Variants in SINHCAF observed in about 807,000 individuals in gnomAD.
SINHCAF encodes SIN3-HDAC complex associated factor.
A neutral mutation model predicts 25.8 loss-of-function variants in SINHCAF; 3 were observed. The ratio of observed to expected loss-of-function variants is 0.12; its 90% confidence interval spans 0.05 to 0.30. The LOEUF (loss-of-function observed/expected upper bound fraction) is 0.30. Ranked by LOEUF, SINHCAF falls within the 10% of genes least tolerant of loss-of-function variation. The probability of loss-of-function intolerance (pLI) is 1.00; values close to 1 mark genes in which losing one functional copy is unlikely to be tolerated. For missense variants in SINHCAF, 121 were observed against 262.3 expected, an observed-to-expected ratio of 0.46 and a Z score of 3.72; for synonymous variants, 70 against 85.5, an observed-to-expected ratio of 0.82 and a Z score of 1.00.
At chr12:31,303,252 A>C in intron 1 of SINHCAF, 1 of 983,090 alleles carries the variant, frequency 1.0e-6, no homozygotes, top group South Asian at 4.7e-5. Flanking sequence ...CCTTTTGATC[A>C]AAATTTCTCT....
chr12:31,322,722 G>T (rs1459569710), intron 1 of SINHCAF, among the ~76,000 whole-genome samples: 2 of 152,192 alleles, frequency 1.3e-5, no homozygotes, highest in African/African-American at 4.8e-5. Context: ...TTTTAGGTGT[G>T]TGGGGGCAGG....
chr12:31,316,692 GATAA>G (rs1187925548), intron 1 of SINHCAF, among the ~76,000 whole-genome samples: 1 of 152,146 alleles, frequency 6.6e-6, no homozygotes, highest in Non-Finnish European at 1.5e-5. Flanking sequence ...AAAGTTTTCT[GATAA>G]ATAAGATTAA....
At chr12:31,299,194 G>C (rs1288929719) in intron 1 of SINHCAF, among the ~76,000 whole-genome samples, 1 of 152,174 alleles carries the variant, frequency 6.6e-6, no homozygotes, top group East Asian at 1.9e-4. Flanking sequence ...ACTAAGAGAG[G>C]TGATGAAAAG....
intron 5 of SINHCAF, among the ~76,000 whole-genome samples, chr12:31,286,606 T>G (rs1018599834): frequency 3.5e-4 from 51 of 146,222 alleles, no homozygotes; most frequent in African/African-American, 1.3e-3. Flanking sequence ...GAGGCTGCAG[T>G]GAGCAGAGAT....
chr12:31,311,523 C>T (rs372122935), intron 1 of SINHCAF: 55 of 222,546 alleles, frequency 2.5e-4, no homozygotes, highest in African/African-American at 1.2e-3. Context: ...GCAGGCCGGG[C>T]ACACACGCTG....
chr12:31,291,886 T>C (rs1938345225), intron 4 of SINHCAF, among the ~76,000 whole-genome samples: 1 of 152,094 alleles, frequency 6.6e-6, no homozygotes, highest in South Asian at 2.1e-4. Flanking sequence ...TATATAAAAA[T>C]TCACATGTTT....
rs1421648891 is a variant in SINHCAF at position 31,298,265 on chromosome 12, G to T, written c.-20-41C>A. On this transcript the variant is annotated intron_variant, in intron 1 of 5. Coordinates refer to ENST00000337682, the MANE Select transcript of SINHCAF (RefSeq NM_001135812.2). ...AATTGACATATCTTTGTTGAGGGCT[G>T]TAACAAGGAACCATTAAAGAGTTCT... is the stretch of plus-strand genomic sequence containing the variant. 13 of 1,606,948 alleles carry T rather than the reference G, an allele frequency of 8.1e-6. No homozygotes were observed. The East Asian group carries it at 2.7e-4, about 33-fold the overall frequency.
intron 4 of SINHCAF, among the ~76,000 whole-genome samples, chr12:31,292,953 A>C (rs1380339706): frequency 2.6e-5 from 4 of 152,170 alleles, no homozygotes. Flanking sequence ...CCCTAGCCGC[A>C]ATTCTGAGAA....
chr12:31,308,629 A>G (rs1939131831), intron 1 of SINHCAF, among the ~76,000 whole-genome samples: 1 of 152,188 alleles, frequency 6.6e-6, no homozygotes, highest in Non-Finnish European at 1.5e-5. Flanking sequence ...CATACACTGG[A>G]TGAGGGATGA....
chr12:31,324,987 C>T lies in SINHCAF; in HGVS notation c.-21+1037G>A, dbSNP rs1228985591. ...GCCCGACGGCGGCCGCATCCCACGG[C>T]TCACGCGGGGCTGGACATTCGGACA... On this transcript the variant is annotated intron_variant, in intron 1 of 5. Coordinates refer to ENST00000337682, the MANE Select transcript of SINHCAF (RefSeq NM_001135812.2). The surrounding 1 kb of genome is among the most constrained non-coding windows in gnomAD (Gnocchi z 5.5). The T allele has an allele frequency of 2.2e-6, 1 of 456,780 alleles. No homozygotes were observed. Among genetic ancestry groups the T allele is most frequent in the Non-Finnish European group, 4.4e-6 (1 of 226,978 alleles). 28.3% of individuals were successfully genotyped at this position (456,780 alleles called of 1,614,324 possible). A position where few individuals can be genotyped will look rare whatever the true frequency, so the allele number is the denominator to read the frequency against.
At chr12:31,309,059 T>C (rs1004954234) in intron 1 of SINHCAF, among the ~76,000 whole-genome samples, 2 of 132,588 alleles carry the variant, frequency 1.5e-5, no homozygotes, top group African/African-American at 5.8e-5. Flanking sequence ...TCCCAGGAGG[T>C]GGAGGCTGCA....
rs35128222 is a variant in SINHCAF at position 31,282,203 on chromosome 12, T to TA, written c.*508dup. 733 of 144,452 alleles carry TA rather than the reference T, an allele frequency of 5.1e-3. 5 individuals carry two copies. Among genetic ancestry groups the TA allele is most frequent in the African/African-American group, 0.016 (642 of 39,266 alleles). The allele number at this position is 144,452 out of a possible 1,614,324, so 8.9% of individuals were successfully genotyped here. ...CTAGTTTCATTCATTAGAAGGGGATTAAAAAAAAAAAAGACTTAAAGAGCA... is the reference window on the plus strand; with the variant it reads ...CTAGTTTCATTCATTAGAAGGGGATTAAAAAAAAAAAAAGACTTAAAGAGCA... On this transcript the variant is annotated 3_prime_UTR_variant, in exon 6 of 6. Coordinates refer to ENST00000337682, the MANE Select transcript of SINHCAF (RefSeq NM_001135812.2).
rs755448554 is a variant in SINHCAF, at chr12:31,293,746, C to A, written c.355+59G>T. On this transcript the variant is annotated intron_variant, in intron 4 of 5. Coordinates refer to ENST00000337682, the MANE Select transcript of SINHCAF (RefSeq NM_001135812.2). ...AATGATCCACACATGCCATACACCACCCCCAGCCAAAAATAACAAAACAAT... is the reference window on the plus strand; with the variant it reads ...AATGATCCACACATGCCATACACCAACCCCAGCCAAAAATAACAAAACAAT... 15 of 1,459,442 alleles carry A rather than the reference C, an allele frequency of 1.0e-5. No individual in the cohort carries two copies. In the African/African-American group the frequency reaches 1.9e-4, roughly 18 times the overall value. The allele number at this position is 1,459,442 out of a possible 1,614,324, so 90.4% of individuals were successfully genotyped here.
At position 31,324,912 on chromosome 12, in the gene SINHCAF, C is replaced by CTGGCA. The variant is rs1199519854; in HGVS notation, c.-21+1107_-21+1111dup. ...GGCGACTTTCACTCTGCTTTTTAAA[C>CTGGCA]TGGCAAGACGCCATCATCAGCAAAC... On this transcript the variant is annotated intron_variant, in intron 1 of 5. Coordinates refer to ENST00000337682, the MANE Select transcript of SINHCAF (RefSeq NM_001135812.2). The surrounding 1 kb of genome is among the most constrained non-coding windows in gnomAD (Gnocchi z 5.5). 1 of 451,998 alleles carries CTGGCA rather than the reference C, an allele frequency of 2.2e-6. No individual in the cohort carries two copies. The highest frequency in any genetic ancestry group is 2.0e-5 in the African/African-American group (1 of 49,992). 28.0% of individuals were successfully genotyped at this position (451,998 alleles called of 1,614,324 possible).
chr12:31,290,189 G>A (rs770310395), intron 4 of SINHCAF, among the ~76,000 whole-genome samples: 11 of 151,310 alleles, frequency 7.3e-5, no homozygotes, highest in Non-Finnish European at 1.6e-4. Context: ...TCACTCTGTC[G>A]CCCAGGCTGG....
chr12:31,294,213 T>A (rs570843165), intron 3 of SINHCAF, among the ~76,000 whole-genome samples: 2 of 152,258 alleles, frequency 1.3e-5, no homozygotes, highest in Non-Finnish European at 2.9e-5. Flanking sequence ...ATGACCCAGC[T>A]AGGTTAAGAA....
At chr12:31,285,293 C>A (rs181137246) in intron 5 of SINHCAF, among the ~76,000 whole-genome samples, 1 of 152,032 alleles carries the variant, frequency 6.6e-6, no homozygotes, top group East Asian at 1.9e-4. Flanking sequence ...GAGGCTGAGA[C>A]AGGAAAATCG....
At chr12:31,302,692 G>A (rs1054338763) in intron 1 of SINHCAF, among the ~76,000 whole-genome samples, 5 of 151,728 alleles carry the variant, frequency 3.3e-5, no homozygotes, top group Non-Finnish European at 5.9e-5. Context: ...CACTCTTGTC[G>A]ATTTGACTGG....
At chr12:31,293,691 G>T in intron 4 of SINHCAF, 114 bp downstream of exon 4, 1 of 886,356 alleles carries the variant, frequency 1.1e-6, no homozygotes, top group Non-Finnish European at 1.6e-6. Context: ...TTGCCTTCCA[G>T]TGCTCTTTAT....
Sources: gnomAD v4.1 joint callset for allele counts (sites outside exome capture counted in the v4.1 genomes callset) on GRCh38, gnomAD v4.1.1 for gene constraint, Gnocchi (gnomAD v3.1) non-coding constraint, MANE v1.5 for transcripts, NCBI Gene and HGNC (gene_info 2026-07-23, HGNC 2026-07-21) for gene names.